Variants in NDUFAF2 observed in about 807,000 individuals in gnomAD.
The protein encoded by NDUFAF2 is NADH:ubiquinone oxidoreductase complex assembly factor 2, also known as NADH dehydrogenase [ubiquinone] 1 alpha subcomplex assembly factor 2.
A neutral mutation model predicts 22.8 loss-of-function variants in NDUFAF2; 13 were observed. That is an observed-to-expected ratio of 0.57 (90% CI 0.37 to 0.91). The LOEUF (loss-of-function observed/expected upper bound fraction) is 0.91. Among genes scored for constraint, NDUFAF2 ranks in the 40% least tolerant of loss-of-function variants. The probability of loss-of-function intolerance (pLI) is 0.01; values close to 1 mark genes in which losing one functional copy is unlikely to be tolerated. For synonymous variants in NDUFAF2, 53 were observed against 64.2 expected (o/e 0.83, Z 0.84); for missense variants, 162 against 195.2 (o/e 0.83, Z 1.01).
In NDUFAF2 at chr5:60,972,168, C is replaced by G. The variant is rs925388562; in HGVS notation, c.127+26786C>G. 2.0e-5 allele frequency among the ~76,000 whole-genome samples: 3 copies of G among 151,832 alleles called. No homozygotes were observed. In the South Asian group the frequency reaches 6.2e-4, roughly 32 times the overall value. ...ATGTTGGTCAGGCTGGTTTCAAACT[C>G]CTGACCTCGTGATCTGCCTGCCTCG... On this transcript the variant is annotated intron_variant, in intron 1 of 3. Transcript: ENST00000296597.
intron 3 of NDUFAF2, among the ~76,000 whole-genome samples, chr5:61,147,095 A>G (rs1318767285): frequency 6.6e-6 from 1 of 150,878 alleles, no homozygotes; most frequent in African/African-American, 2.4e-5. Context: ...ACTTCTGTTG[A>G]CTGGTTTTTA....
At chr5:61,138,571 T>C (rs991245141) in intron 3 of NDUFAF2, among the ~76,000 whole-genome samples, 13 of 152,152 alleles carry the variant, frequency 8.5e-5, no homozygotes, top group Non-Finnish European at 2.9e-5. Flanking sequence ...TAATTAACTT[T>C]TAGGACTTCC....
chr5:61,146,025 A>G (rs1333796287), intron 3 of NDUFAF2: 1 of 152,208 alleles, frequency 6.6e-6, no homozygotes, highest in Non-Finnish European at 1.5e-5. Flanking sequence ...AGACAGTGGT[A>G]TAAAACATGG....
intron 1 of NDUFAF2, among the ~76,000 whole-genome samples, chr5:61,027,920 G>A (rs1751672706): frequency 6.6e-6 from 1 of 151,858 alleles, no homozygotes; most frequent in Admixed American, 6.6e-5. Flanking sequence ...TTTATTGACT[G>A]CCATCTTTGT....
At chr5:61,131,783 T>C (rs1753115114) in intron 3 of NDUFAF2, among the ~76,000 whole-genome samples, 1 of 152,190 alleles carries the variant, frequency 6.6e-6, no homozygotes, top group African/African-American at 2.4e-5. Flanking sequence ...GGATACACTA[T>C]ATTTATATTA....
chr5:60,965,105 A>G (rs1750737329), intron 1 of NDUFAF2, among the ~76,000 whole-genome samples: 1 of 152,084 alleles, frequency 6.6e-6, no homozygotes, highest in Non-Finnish European at 1.5e-5. Context: ...GGTTTTTCCG[A>G]TTTTTCAACT....
In NDUFAF2 at chr5:60,972,762, A is replaced by G. The variant is rs562249583; in HGVS notation, c.127+27380A>G. Among the ~76,000 whole-genome samples, 282 of 92,246 alleles carry G rather than the reference A, an allele frequency of 3.1e-3. 1 individual carries two copies. The highest frequency in any genetic ancestry group is 4.7e-3 in the Non-Finnish European group (204 of 43,592). The allele number at this position is 92,246 out of a possible 152,430, so 60.5% of individuals were successfully genotyped here. A position where few individuals can be genotyped will look rare whatever the true frequency, so the allele number is the denominator to read the frequency against. ...ACTAAGCACATTCTCATTTACTGAT[A>G]TGTGTATTCTGTTTTTTTTTTTTTT... On this transcript the variant is annotated intron_variant, in intron 1 of 3. Coordinates refer to ENST00000296597, the MANE Select transcript of NDUFAF2 (RefSeq NM_174889.5).
intron 1 of NDUFAF2, among the ~76,000 whole-genome samples, chr5:61,064,772 A>C (rs1752208330): frequency 6.6e-6 from 1 of 152,100 alleles, no homozygotes; most frequent in Non-Finnish European, 1.5e-5. Flanking sequence ...GCCTATGTTA[A>C]AAAGAAGAAA....
At chr5:61,065,207 T>A (rs1290267458) in intron 1 of NDUFAF2, among the ~76,000 whole-genome samples, 1 of 151,842 alleles carries the variant, frequency 6.6e-6, no homozygotes, top group African/African-American at 2.4e-5. Context: ...AAAGAAGTAA[T>A]AGAAAACCCC....
chr5:61,136,288 G>A (rs1215221934), intron 3 of NDUFAF2, among the ~76,000 whole-genome samples: 1 of 151,824 alleles, frequency 6.6e-6, no homozygotes, highest in African/African-American at 2.4e-5. Flanking sequence ...TCTTGAACTG[G>A]AAAGTCTGTT....
intron 1 of NDUFAF2, among the ~76,000 whole-genome samples, chr5:60,971,281 T>C (rs1750823959): frequency 1.9e-5 from 2 of 107,310 alleles, no homozygotes; most frequent in Admixed American, 2.2e-4. Flanking sequence ...CTTTTTTCTT[T>C]CTTTCTTTTT....
intron 2 of NDUFAF2, among the ~76,000 whole-genome samples, chr5:61,093,844 CTCT>C (rs1752602271): frequency 6.6e-6 from 1 of 152,068 alleles, no homozygotes; most frequent in Non-Finnish European, 1.5e-5. Flanking sequence ...ATAGTTCCAG[CTCT>C]TCTTTGTACA....
chr5:61,026,496 CAGAA>C (rs1380083735), intron 1 of NDUFAF2, among the ~76,000 whole-genome samples: 1 of 151,888 alleles, frequency 6.6e-6, no homozygotes, highest in Non-Finnish European at 1.5e-5. Context: ...ACTATTTAAA[CAGAA>C]AGAATAAGAT....
chr5:61,024,353 T>C (rs34596), intron 1 of NDUFAF2, among the ~76,000 whole-genome samples: 30,298 of 151,996 alleles, frequency 0.2, 3,574 homozygotes, highest in Non-Finnish European at 0.26. Flanking sequence ...GTTTTCTAAG[T>C]GAAAATAAGT....
At chr5:61,082,551 CTGT>C (rs1425769425) in intron 2 of NDUFAF2, among the ~76,000 whole-genome samples, 21 of 152,124 alleles carry the variant, frequency 1.4e-4, no homozygotes, top group African/African-American at 5.1e-4. Flanking sequence ...TCCCTAGTTT[CTGT>C]TGTTCCCATT....
At chr5:61,120,834 GT>G (rs1752966383) in intron 3 of NDUFAF2, among the ~76,000 whole-genome samples, 1 of 152,062 alleles carries the variant, frequency 6.6e-6, no homozygotes, top group East Asian at 1.9e-4. Context: ...GAGGTTAGGT[GT>G]TTTTTGGTTT....
intron 1 of NDUFAF2, among the ~76,000 whole-genome samples, chr5:61,019,300 C>T (rs1412757425): frequency 6.6e-6 from 1 of 151,902 alleles, no homozygotes; most frequent in Non-Finnish European, 1.5e-5. Context: ...GCAAGTAAAC[C>T]TGTTAGTGTT....
rs11333036 is a variant in NDUFAF2, at chr5:60,961,765, C to CA, written c.127+16402dup. ...TGGGCAACAGAAGGAGACTCTGTCT[C>CA]AAAAAAAAAAAAAAAAAAATTTACT... On this transcript the variant is annotated intron_variant, in intron 1 of 3. Transcript: ENST00000296597. Among the ~76,000 whole-genome samples, 201 of 114,722 alleles carry CA rather than the reference C, an allele frequency of 1.8e-3. 1 individual carries two copies. The highest frequency in any genetic ancestry group is 4.0e-3 in the African/African-American group (121 of 29,880). 75.3% of individuals were successfully genotyped at this position (114,722 alleles called of 152,430 possible). A position where few individuals can be genotyped will look rare whatever the true frequency, so the allele number is the denominator to read the frequency against.
At chr5:61,095,389 T>TC (rs1164553235) in intron 2 of NDUFAF2, among the ~76,000 whole-genome samples, 10 of 152,176 alleles carry the variant, frequency 6.6e-5, no homozygotes, top group African/African-American at 2.2e-4. Context: ...AGGAACTCTG[T>TC]CCCAGGTAGG....
Sources: gnomAD v4.1 joint callset for allele counts (sites outside exome capture counted in the v4.1 genomes callset) on GRCh38, gnomAD v4.1.1 for gene constraint, MANE v1.5 for transcripts, NCBI Gene and HGNC (gene_info 2026-07-23, HGNC 2026-07-21) for gene names.